SCAPER: variants seen among roughly 807,000 people sequenced by gnomAD.
The protein encoded by SCAPER is S-phase cyclin A associated protein in the ER, also known as S phase cyclin A-associated protein in the endoplasmic reticulum.
Under a neutral mutation model 182.2 loss-of-function variants are expected in SCAPER, and 98 were observed. The ratio of observed to expected loss-of-function variants is 0.54; its 90% confidence interval spans 0.46 to 0.64. The LOEUF is 0.64. Ranked by LOEUF, SCAPER falls within the 30% of genes least tolerant of loss-of-function variation. The pLI is 0.00. For missense variants in SCAPER, 1,432 were observed against 1,690.0 expected (o/e 0.85, Z 2.68); for synonymous variants, 605 against 564.6 (o/e 1.07, Z -1.01).
chr15:76,817,260 G>A (rs1056260068), intron 5 of SCAPER, among the ~76,000 whole-genome samples: 1 of 152,072 alleles, frequency 6.6e-6, no homozygotes, highest in South Asian at 2.1e-4. Flanking sequence ...CCTGACATTT[G>A]CAACAATATG....
chr15:76,865,700 C>G (rs1351518779), intron 2 of SCAPER, among the ~76,000 whole-genome samples: 1 of 152,070 alleles, frequency 6.6e-6, no homozygotes, highest in Non-Finnish European at 1.5e-5. Context: ...TGAATCAACT[C>G]GCCAACTAAT....
intron 20 of SCAPER, among the ~76,000 whole-genome samples, chr15:76,692,539 C>T (rs2058418469): frequency 6.6e-6 from 1 of 151,368 alleles, no homozygotes; most frequent in Non-Finnish European, 1.5e-5. Context: ...AAATACAAAA[C>T]TTAGCTGAAT....
chr15:76,466,915 G>T (rs1016770182), intron 25 of SCAPER, among the ~76,000 whole-genome samples: 1 of 152,110 alleles, frequency 6.6e-6, no homozygotes, highest in Non-Finnish European at 1.5e-5. Context: ...TCCCTGCCCA[G>T]ATGTCATGTT....
intron 24 of SCAPER, among the ~76,000 whole-genome samples, chr15:76,477,651 C>T (rs2050763440): frequency 6.6e-6 from 1 of 152,094 alleles, no homozygotes. Flanking sequence ...CTTTCACCAA[C>T]ATTAAATAAT....
At chr15:76,430,216 C>G (rs1279463050) in intron 26 of SCAPER, among the ~76,000 whole-genome samples, 1 of 152,200 alleles carries the variant, frequency 6.6e-6, no homozygotes, top group East Asian at 1.9e-4. Flanking sequence ...AGGGGAGGGG[C>G]TGTCATGCAG....
intron 25 of SCAPER, among the ~76,000 whole-genome samples, chr15:76,444,660 C>A (rs1234900238): frequency 6.6e-6 from 1 of 152,160 alleles, no homozygotes; most frequent in African/African-American, 2.4e-5. Context: ...GCTACTATTT[C>A]TTCAAATACT....
chr15:76,618,768 C>A (rs1461812594), intron 22 of SCAPER, among the ~76,000 whole-genome samples: 3 of 152,050 alleles, frequency 2.0e-5, no homozygotes, highest in Non-Finnish European at 2.9e-5. Flanking sequence ...ATATAATGAG[C>A]ACATGAAGCC....
At chr15:76,904,791 G>C (rs1246043375) in intron 1 of SCAPER, 1 of 152,264 alleles carries the variant, frequency 6.6e-6, no homozygotes, top group Non-Finnish European at 1.5e-5. Flanking sequence ...CCTGGGCAGA[G>C]CTAAGATCAG....
intron 22 of SCAPER, among the ~76,000 whole-genome samples, chr15:76,605,124 G>GT: frequency 6.6e-6 from 1 of 152,274 alleles, no homozygotes; most frequent in East Asian, 1.9e-4. Flanking sequence ...AATGCTTCCA[G>GT]TTTTTGCTCA....
chr15:76,661,066 G>A (rs1340429478), intron 21 of SCAPER, among the ~76,000 whole-genome samples: 1 of 152,120 alleles, frequency 6.6e-6, no homozygotes, highest in East Asian at 1.9e-4. Flanking sequence ...CCATAATCAT[G>A]AACTGGAAGA....
At chr15:76,500,937 G>A (rs760834532) in intron 24 of SCAPER, among the ~76,000 whole-genome samples, 9 of 151,780 alleles carry the variant, frequency 5.9e-5, no homozygotes, top group African/African-American at 9.7e-5. Context: ...CAGTTACTCG[G>A]GAGGCTGAGG....
chr15:76,452,771 G>T (rs1201616574), intron 25 of SCAPER, among the ~76,000 whole-genome samples: 2 of 151,724 alleles, frequency 1.3e-5, no homozygotes, highest in African/African-American at 4.8e-5. Context: ...TTTGTATTTT[G>T]TTAAAATATT....
chr15:76,734,882 C>CTA (rs1391930741), intron 15 of SCAPER, among the ~76,000 whole-genome samples: 60 of 152,146 alleles, frequency 3.9e-4, no homozygotes, highest in African/African-American at 1.3e-3. Flanking sequence ...ATCTCTCTCT[C>CTA]TCTATATATA....
intron 4 of SCAPER, among the ~76,000 whole-genome samples, chr15:76,843,700 C>G (rs778007959): frequency 6.6e-6 from 1 of 152,012 alleles, no homozygotes; most frequent in Admixed American, 6.6e-5. Context: ...TATACACATG[C>G]AGTCCTAACC....
intron 26 of SCAPER, among the ~76,000 whole-genome samples, chr15:76,415,651 TA>T (rs1352139071): frequency 2.0e-5 from 3 of 152,146 alleles, no homozygotes; most frequent in Non-Finnish European, 4.4e-5. Context: ...TACGTAAATT[TA>T]AAAAACGATT....
intron 23 of SCAPER, among the ~76,000 whole-genome samples, chr15:76,538,986 G>A (rs1334360391): frequency 6.6e-6 from 1 of 151,714 alleles, no homozygotes; most frequent in Non-Finnish European, 1.5e-5. Flanking sequence ...TGTTCCTACA[G>A]TCATATAAAC....
chr15:76,791,576 G>C (rs1015949590), intron 8 of SCAPER, among the ~76,000 whole-genome samples: 1 of 152,044 alleles, frequency 6.6e-6, no homozygotes. Context: ...AAATCTTAGA[G>C]GGGGTGGGAA....
At chr15:76,499,789 G>T (rs2040932227) in intron 24 of SCAPER, among the ~76,000 whole-genome samples, 1 of 152,144 alleles carries the variant, frequency 6.6e-6, no homozygotes, top group South Asian at 2.1e-4. Context: ...TGAATAAGTG[G>T]TCACATCAGG....
chr15:76,487,108 C>G (rs2143127614), intron 24 of SCAPER, among the ~76,000 whole-genome samples: 1 of 152,260 alleles, frequency 6.6e-6, no homozygotes, highest in East Asian at 1.9e-4. Flanking sequence ...CACATATTCT[C>G]ACTTGTAAGT....
Sources: allele counts gnomAD v4.1 joint callset (sites outside exome capture counted in the v4.1 genomes callset), GRCh38; gene constraint gnomAD v4.1.1; transcripts MANE v1.5; gene names NCBI Gene and HGNC (gene_info 2026-07-23, HGNC 2026-07-21).